The following CAP2 variants were observed in gnomAD, a reference collection of about 807,000 sequenced individuals.
CAP2 encodes the protein cyclase associated actin cytoskeleton regulatory protein 2.
A neutral mutation model predicts 57.7 loss-of-function variants in CAP2; 24 were observed. That is an observed-to-expected ratio of 0.42 (90% CI 0.30 to 0.58). CAP2 has a LOEUF of 0.58. Ranked by LOEUF, CAP2 falls within the 20% of genes least tolerant of loss-of-function variation. The pLI is 0.22. For synonymous variants in CAP2, 194 were observed against 207.2 expected, an observed-to-expected ratio of 0.94 and a Z score of 0.55; for missense variants, 501 against 590.3, an observed-to-expected ratio of 0.85 and a Z score of 1.57.
rs751762454 is a variant in CAP2, at chr6:17,513,880, T to C, written c.562T>C (p.Tyr188His). 6 of 1,613,470 alleles carry C rather than the reference T, an allele frequency of 3.7e-6. No individual in the cohort carries two copies. The highest frequency in any genetic ancestry group is 5.1e-6 in the Non-Finnish European group (6 of 1,179,484). ...GCGTCATGTGGATTGGGTGAAGTCA[T>C]ATTTGAACATTTGGAGTGAACTTCA... ...DLRHVDWVKS[Y>H]LNIWSELQAY... The change falls in exon 7 of 13, where the codon TAT becomes CAT. Residue 188 changes from tyrosine to histidine, a missense_variant. Transcript: ENST00000229922. The surrounding 1 kb of genome is among the most constrained non-coding windows in gnomAD (Gnocchi z 4.3).
At chr6:17,554,405 C>T (rs1763246511) in intron 12 of CAP2, among the ~76,000 whole-genome samples, 1 of 152,182 alleles carries the variant, frequency 6.6e-6, no homozygotes, top group Non-Finnish European at 1.5e-5. Context: ...CAGAGTGGCT[C>T]TTCAGCAGCA....
intron 1 of CAP2, among the ~76,000 whole-genome samples, chr6:17,409,727 C>T (rs1318258411): frequency 1.3e-5 from 2 of 152,136 alleles, no homozygotes; most frequent in Non-Finnish European, 2.9e-5. Context: ...ACTCTGAACT[C>T]CTCTGACCTG....
intron 4 of CAP2, among the ~76,000 whole-genome samples, chr6:17,465,872 T>C (rs1760851738): frequency 6.6e-6 from 1 of 152,310 alleles, no homozygotes; most frequent in East Asian, 1.9e-4. Context: ...CTCCCCCATA[T>C]GGCCAGTGTT....
chr6:17,437,856 G>A (rs115017828), intron 3 of CAP2, among the ~76,000 whole-genome samples: 2,769 of 152,196 alleles, frequency 0.018, 29 homozygotes, highest in Middle Eastern at 0.037. Flanking sequence ...GGTCCAACCT[G>A]GGCAACAGAG....
intron 3 of CAP2, among the ~76,000 whole-genome samples, chr6:17,438,026 G>C (rs1399417948): frequency 6.6e-6 from 1 of 152,084 alleles, no homozygotes; most frequent in Admixed American, 6.5e-5. Flanking sequence ...TCTGTGGTGA[G>C]AGATACAAAT....
At chr6:17,516,385 A>G (rs1160902482) in intron 7 of CAP2, among the ~76,000 whole-genome samples, 1 of 152,136 alleles carries the variant, frequency 6.6e-6, no homozygotes, top group Non-Finnish European at 1.5e-5. Flanking sequence ...GCCCTTTTGA[A>G]TCTCTGCACT....
intron 4 of CAP2, among the ~76,000 whole-genome samples, chr6:17,504,500 C>T (rs1761922296): frequency 1.3e-5 from 2 of 152,188 alleles, no homozygotes; most frequent in African/African-American, 4.8e-5. Context: ...ATATTTTTCT[C>T]AGCACCCAGT....
In CAP2 at chr6:17,479,908, C is replaced by A. The variant is rs1581555039; in HGVS notation, c.300+16835C>A. On this transcript the variant is annotated intron_variant, in intron 4 of 12. Coordinates refer to ENST00000229922, the MANE Select transcript of CAP2 (RefSeq NM_006366.3). ...GGGATTACAGGTGTGAGCCACCGCG[C>A]CCAGCTTAATTTTTTTAATATAAGG... Among the ~76,000 whole-genome samples the A allele has an allele frequency of 2.0e-5, 3 of 151,946 alleles. No homozygotes were observed. In the South Asian group the frequency reaches 6.2e-4, roughly 32 times the overall value.
At chr6:17,484,314 T>C (rs935531458) in intron 4 of CAP2, among the ~76,000 whole-genome samples, 9 of 152,012 alleles carry the variant, frequency 5.9e-5, no homozygotes, top group Non-Finnish European at 1.0e-4. Context: ...CTTGGGTGGC[T>C]CCCCCTTCTC....
rs558920735 is a variant in CAP2, at chr6:17,404,401, G to C, written c.-2+10655G>C. On this transcript the variant is annotated intron_variant, in intron 1 of 12. Transcript: ENST00000229922. ...CGGGCAGATCACGAGGTCAGGAGAT[G>C]GAGACCATCCTGGCTAACACGGTGA... Among the ~76,000 whole-genome samples, 43 of 152,206 alleles carry C rather than the reference G, an allele frequency of 2.8e-4. 1 individual carries two copies. The South Asian group carries it at 4.8e-3, about 17-fold the overall frequency.
rs1369815271 is a variant in CAP2 at position 17,513,744 on chromosome 6, G to C, written c.531-105G>C. 2.7e-6 allele frequency: 2 copies of C among 731,166 alleles called. No individual in the cohort carries two copies. Among genetic ancestry groups the C allele is most frequent in the East Asian group, 5.3e-5 (2 of 37,422 alleles). 45.3% of individuals were successfully genotyped at this position (731,166 alleles called of 1,614,324 possible). On this transcript the variant is annotated intron_variant, in intron 6 of 12. Coordinates refer to ENST00000229922, the MANE Select transcript of CAP2 (RefSeq NM_006366.3). This position sits in a 1 kb window ranked among gnomAD's most constrained non-coding sequence, Gnocchi z 4.3. Reference sequence around the variant, plus strand: ...TGGGTTGCAAGGACGATTGCTCCGGGCTCCAGGGCCCCTAGTCACTAGATA... The same window carrying C: ...TGGGTTGCAAGGACGATTGCTCCGGCCTCCAGGGCCCCTAGTCACTAGATA...
rs1485229146 is a variant in CAP2 at position 17,519,899 on chromosome 6, T to G, written c.636+5945T>G. On this transcript the variant is annotated intron_variant, in intron 7 of 12. Coordinates refer to ENST00000229922, the MANE Select transcript of CAP2 (RefSeq NM_006366.3). ...AAGGTCATGTAAAGAATTCTATGAT[T>G]AGGAGAAATGTGATTATTTTATTAA... is the stretch of plus-strand genomic sequence containing the variant. Among the ~76,000 whole-genome samples, 4 of 152,236 alleles carry G rather than the reference T, an allele frequency of 2.6e-5. 1 individual carries two copies. In the East Asian group the frequency reaches 7.7e-4, roughly 29 times the overall value.
chr6:17,436,957 C>T (rs182459334), intron 3 of CAP2, among the ~76,000 whole-genome samples: 5 of 152,124 alleles, frequency 3.3e-5, no homozygotes, highest in East Asian at 1.9e-4. Flanking sequence ...TGGTGAACTG[C>T]GCATTCGAGG....
chr6:17,507,424 G>T, intron 5 of CAP2, 112 bp downstream of exon 5: 3 of 1,127,990 alleles, frequency 2.7e-6, no homozygotes, highest in Non-Finnish European at 2.6e-6. Flanking sequence ...GCTTCTTCCT[G>T]GGCTGAATGC....
At chr6:17,490,067 C>T (rs1376451824) in intron 4 of CAP2, among the ~76,000 whole-genome samples, 1 of 152,138 alleles carries the variant, frequency 6.6e-6, no homozygotes, top group Non-Finnish European at 1.5e-5. Context: ...CATTTTTAAT[C>T]ATCTGAGCTT....
intron 3 of CAP2, among the ~76,000 whole-genome samples, chr6:17,456,429 C>G (rs1760573691): frequency 1.3e-5 from 2 of 152,166 alleles, no homozygotes; most frequent in Admixed American, 1.3e-4. Flanking sequence ...TCTATTACCT[C>G]TTTTTGGGGC....
chr6:17,443,615 C>T (rs1002419064), intron 3 of CAP2, among the ~76,000 whole-genome samples: 3 of 151,084 alleles, frequency 2.0e-5, no homozygotes, highest in Non-Finnish European at 4.4e-5. Flanking sequence ...GCACTCCCTC[C>T]ACTCATCTAT....
chr6:17,518,590 T>C (rs1213800875), intron 7 of CAP2, among the ~76,000 whole-genome samples: 1 of 152,188 alleles, frequency 6.6e-6, no homozygotes, highest in African/African-American at 2.4e-5. Context: ...AAAGATGTGG[T>C]GTTGATGTTT....
In CAP2 at chr6:17,533,078, C is replaced by CAAA. The variant is rs58337644; in HGVS notation, c.637-6173_637-6171dup. 5.6e-3 allele frequency among the ~76,000 whole-genome samples: 486 copies of CAAA among 87,522 alleles called. 11 individuals carry two copies. Among genetic ancestry groups the CAAA allele is most frequent in the African/African-American group, 0.017 (382 of 23,102 alleles). The allele number at this position is 87,522 out of a possible 152,430, so 57.4% of individuals were successfully genotyped here. ...AAAACTCCATCTCAACACCCCCCAC[C>CAAA]AAAAAAAAAAAAAAAAAAAAGAACT... On this transcript the variant is annotated intron_variant, in intron 7 of 12. Transcript: ENST00000229922.
Sources: gnomAD v4.1 joint callset for allele counts (sites outside exome capture counted in the v4.1 genomes callset) on GRCh38, gnomAD v4.1.1 for gene constraint, Gnocchi (gnomAD v3.1) non-coding constraint, MANE v1.5 for transcripts, NCBI Gene and HGNC (gene_info 2026-07-23, HGNC 2026-07-21) for gene names.